Variants in GRID2 observed in about 807,000 individuals in gnomAD.
The protein encoded by GRID2 is glutamate ionotropic receptor delta type subunit 2.
GRID2 carries 33 observed loss-of-function variants against 114.8 expected under a neutral mutation model. The observed-to-expected ratio is 0.29, with a 90% CI of 0.22 to 0.38. The LOEUF is 0.38. GRID2 is among the 10% of genes least tolerant of loss of function. GRID2 has a pLI of 1.00. For synonymous variants in GRID2, 505 were observed against 449.9 expected (o/e 1.12, Z -1.55); for missense variants, 1,184 against 1,257.7 (o/e 0.94, Z 0.89).
intron 1 of GRID2, among the ~76,000 whole-genome samples, chr4:92,492,570 A>G (rs1723191752): frequency 6.6e-6 from 1 of 152,122 alleles, no homozygotes; most frequent in Non-Finnish European, 1.5e-5. Flanking sequence ...CCACATTTTT[A>G]TATCTACAAA....
At chr4:93,011,222 T>C (rs1722105159) in intron 2 of GRID2, among the ~76,000 whole-genome samples, 1 of 152,026 alleles carries the variant, frequency 6.6e-6, no homozygotes, top group South Asian at 2.1e-4. Context: ...TTTTGCTGTC[T>C]GTGTTTTTTC....
intron 2 of GRID2, among the ~76,000 whole-genome samples, chr4:92,821,419 G>A (rs923062013): frequency 1.3e-5 from 2 of 152,064 alleles, no homozygotes; most frequent in African/African-American, 4.8e-5. Flanking sequence ...GATAATCATG[G>A]ATTCTATGTA....
chr4:93,606,352 A>G (rs756272021), intron 13 of GRID2, among the ~76,000 whole-genome samples: 2 of 152,204 alleles, frequency 1.3e-5, no homozygotes, highest in Non-Finnish European at 2.9e-5. Flanking sequence ...TGAATATCTA[A>G]GAACCAAGGG....
intron 2 of GRID2, among the ~76,000 whole-genome samples, chr4:92,880,786 A>G (rs1028899824): frequency 2.6e-5 from 4 of 152,120 alleles, no homozygotes; most frequent in African/African-American, 7.2e-5. Flanking sequence ...CAATGACGCT[A>G]TCTTGGCTGG....
chr4:92,405,517 T>A (rs1354388608), intron 1 of GRID2, among the ~76,000 whole-genome samples: 1 of 152,086 alleles, frequency 6.6e-6, no homozygotes, highest in African/African-American at 2.4e-5. Context: ...TTCAAGATAT[T>A]CAAGTATTTC....
chr4:92,896,049 T>C (rs1287798724), intron 2 of GRID2, among the ~76,000 whole-genome samples: 1 of 152,194 alleles, frequency 6.6e-6, no homozygotes, highest in African/African-American at 2.4e-5. Flanking sequence ...AAAAATGCAC[T>C]AAAAGCACTT....
rs185583655 is a variant in GRID2, at chr4:93,485,156, A to G, written c.1859-5483A>G. 6.5e-4 allele frequency among the ~76,000 whole-genome samples: 98 copies of G among 151,782 alleles called. 1 individual carries two copies. The highest frequency in any genetic ancestry group is 1.7e-3 in the Admixed American group (26 of 15,192). Reference sequence around the variant, plus strand: ...GTATTTTTTTATTTTGTATTTCCCCAGTAGTTAATAAGATTGCTACCTTTT... The same window carrying G: ...GTATTTTTTTATTTTGTATTTCCCCGGTAGTTAATAAGATTGCTACCTTTT... On this transcript the variant is annotated intron_variant, in intron 11 of 15. Coordinates refer to ENST00000282020, the MANE Select transcript of GRID2 (RefSeq NM_001510.4).
chr4:92,565,353 A>G (rs774017078), intron 1 of GRID2, among the ~76,000 whole-genome samples: 17 of 152,004 alleles, frequency 1.1e-4, no homozygotes, highest in Non-Finnish European at 2.4e-4. Context: ...TTTTCTTAGT[A>G]TAGTTTTAGT....
intron 2 of GRID2, among the ~76,000 whole-genome samples, chr4:92,866,710 ATTT>A (rs553446965): frequency 7.0e-6 from 1 of 142,966 alleles, no homozygotes. Context: ...TGCCCGGCTA[ATTT>A]TTTTTTTTTT....
At chr4:92,861,898 C>T (rs1406132435) in intron 2 of GRID2, among the ~76,000 whole-genome samples, 1 of 152,000 alleles carries the variant, frequency 6.6e-6, no homozygotes, top group Non-Finnish European at 1.5e-5. Context: ...TACTTCCTAT[C>T]TCTTATCACT....
intron 8 of GRID2, among the ~76,000 whole-genome samples, chr4:93,312,719 T>C (rs1481244021): frequency 6.6e-6 from 1 of 152,176 alleles, no homozygotes; most frequent in Non-Finnish European, 1.5e-5. Context: ...GAAGTCATGC[T>C]GCATTCTCAT....
At chr4:93,139,791 A>G (rs979527047) in intron 4 of GRID2, among the ~76,000 whole-genome samples, 2 of 151,880 alleles carry the variant, frequency 1.3e-5, no homozygotes, top group Non-Finnish European at 2.9e-5. Flanking sequence ...CATAGCTGTA[A>G]ATTATTGTAG....
At chr4:93,330,071 A>T (rs1449055908) in intron 8 of GRID2, among the ~76,000 whole-genome samples, 1 of 152,160 alleles carries the variant, frequency 6.6e-6, no homozygotes, top group Non-Finnish European at 1.5e-5. Flanking sequence ...CATTTATTAC[A>T]GGTAAAATAC....
intron 2 of GRID2, among the ~76,000 whole-genome samples, chr4:93,075,368 T>G (rs953033161): frequency 2.0e-5 from 3 of 152,154 alleles, no homozygotes; most frequent in Non-Finnish European, 4.4e-5. Flanking sequence ...GGTTATATTA[T>G]TTTCAATTGT....
At chr4:92,506,110 A>T (rs1393763953) in intron 1 of GRID2, among the ~76,000 whole-genome samples, 2 of 152,020 alleles carry the variant, frequency 1.3e-5, no homozygotes, top group Non-Finnish European at 2.9e-5. Context: ...ATATAGTGAT[A>T]ATTTGGGCAA....
intron 4 of GRID2, among the ~76,000 whole-genome samples, chr4:93,114,592 C>T (rs963411237): frequency 5.3e-5 from 8 of 152,244 alleles, no homozygotes; most frequent in South Asian, 4.1e-4. Context: ...ACTACCACCA[C>T]CTCTATCCTA....
intron 14 of GRID2, among the ~76,000 whole-genome samples, chr4:93,682,607 A>C (rs1725674373): frequency 6.6e-6 from 1 of 152,180 alleles, no homozygotes. Context: ...AGCCATAAAA[A>C]ATGATGAGTT....
At chr4:93,255,423 A>G (rs1749464773) in intron 8 of GRID2, among the ~76,000 whole-genome samples, 1 of 152,118 alleles carries the variant, frequency 6.6e-6, no homozygotes, top group Non-Finnish European at 1.5e-5. Context: ...ATAGTAAAGG[A>G]GAAAACGTTT....
chr4:92,306,767 C>T (rs1028687237), intron 1 of GRID2, among the ~76,000 whole-genome samples: 1 of 152,156 alleles, frequency 6.6e-6, no homozygotes. Context: ...TGTTGTCTGT[C>T]AGAGTGGCTA....
Sources: allele counts gnomAD v4.1 joint callset (sites outside exome capture counted in the v4.1 genomes callset), GRCh38; gene constraint gnomAD v4.1.1; transcripts MANE v1.5; gene names NCBI Gene and HGNC (gene_info 2026-07-23, HGNC 2026-07-21).